LINGO2: variants seen among roughly 807,000 people sequenced by gnomAD.
The protein encoded by LINGO2 is leucine-rich repeat and immunoglobulin-like domain-containing nogo receptor-interacting protein 2.
LINGO2 carries 14 observed loss-of-function variants against 30.6 expected under a neutral mutation model. The ratio of observed to expected loss-of-function variants is 0.46; its 90% CI spans 0.30 to 0.72. LINGO2 has a LOEUF of 0.72. Among genes scored for constraint, LINGO2 ranks in the 30% least tolerant of loss-of-function variants. LINGO2 has a pLI of 0.07. For missense variants in LINGO2, 729 were observed against 751.7 expected, an observed-to-expected ratio of 0.97 and a Z score of 0.35; for synonymous variants, 317 against 288.5, an observed-to-expected ratio of 1.10 and a Z score of -1.00.
At chr9:28,240,109 T>C (rs1012568143) in intron 4 of LINGO2, among the ~76,000 whole-genome samples, 7 of 151,830 alleles carry the variant, frequency 4.6e-5, no homozygotes, top group Admixed American at 1.3e-4. Context: ...CTATAAAACA[T>C]TGATGAAAGA....
At chr9:28,309,736 C>T (rs1824533720) in intron 3 of LINGO2, among the ~76,000 whole-genome samples, 1 of 151,060 alleles carries the variant, frequency 6.6e-6, no homozygotes, top group Non-Finnish European at 1.5e-5. Context: ...AAAGAAAAGC[C>T]ACAAACCAGG....
At chr9:28,946,811 C>G in the LINGO2 span, among the ~76,000 whole-genome samples, 1 of 152,062 alleles carries the variant, frequency 6.6e-6, no homozygotes, top group Non-Finnish European at 1.5e-5. Flanking sequence ...ATGACTACCA[C>G]AGAGAGAGTG....
intron 1 of LINGO2, among the ~76,000 whole-genome samples, chr9:28,661,045 G>A (rs1436783331): frequency 6.6e-6 from 1 of 152,074 alleles, no homozygotes; most frequent in Non-Finnish European, 1.5e-5. Flanking sequence ...CCTTTATAGT[G>A]TGACCTTGCA....
chr9:28,232,271 C>T (rs1821383905), intron 4 of LINGO2, among the ~76,000 whole-genome samples: 1 of 151,872 alleles, frequency 6.6e-6, no homozygotes, highest in African/African-American at 2.4e-5. Context: ...TGGTGGCACA[C>T]ACCCATAATT....
intron 4 of LINGO2, among the ~76,000 whole-genome samples, chr9:28,102,062 G>T (rs1434072582): frequency 6.6e-6 from 1 of 151,982 alleles, no homozygotes; most frequent in Admixed American, 6.6e-5. Flanking sequence ...TGAGCATTTT[G>T]AATGCTTTGT....
chr9:28,054,885 C>T (rs987932430), intron 4 of LINGO2, among the ~76,000 whole-genome samples: 16 of 152,132 alleles, frequency 1.1e-4, no homozygotes, highest in African/African-American at 3.9e-4. Context: ...TTTCAAATAT[C>T]CAAGCACTAC....
the LINGO2 span, among the ~76,000 whole-genome samples, chr9:29,061,254 T>C: frequency 4.6e-5 from 7 of 151,970 alleles, no homozygotes; most frequent in East Asian, 1.9e-4. Flanking sequence ...AACAAAACTA[T>C]AGGATCAATA....
At chr9:28,634,485 CTTTTTTTTT>C (rs755583837) in intron 1 of LINGO2, among the ~76,000 whole-genome samples, 1 of 124,672 alleles carries the variant, frequency 8.0e-6, no homozygotes, top group Non-Finnish European at 1.7e-5. Context: ...TTCTTTTTTT[CTTTTTTTTT>C]TTTTTTTTTG....
intron 1 of LINGO2, chr9:28,599,352 A>G (rs2135739504): frequency 6.6e-6 from 1 of 152,292 alleles, no homozygotes. Flanking sequence ...ATACTGAACA[A>G]TATTATTGTA....
chr9:28,776,217 C>T, the LINGO2 span, among the ~76,000 whole-genome samples: 1 of 152,168 alleles, frequency 6.6e-6, no homozygotes, highest in Non-Finnish European at 1.5e-5. Context: ...GGTTGAACGA[C>T]CACTTAAGTG....
At chr9:29,109,783 A>T in the LINGO2 span, among the ~76,000 whole-genome samples, 3 of 152,222 alleles carry the variant, frequency 2.0e-5, no homozygotes, top group Admixed American at 2.0e-4. Context: ...AGTATTAGCT[A>T]AGTTGGTGAT....
chr9:28,998,153 G>A, the LINGO2 span, among the ~76,000 whole-genome samples: 1 of 152,112 alleles, frequency 6.6e-6, no homozygotes, highest in Non-Finnish European at 1.5e-5. Context: ...ATTATTTTGA[G>A]GATATTGAAA....
intron 4 of LINGO2, among the ~76,000 whole-genome samples, chr9:28,170,771 T>G (rs989995584): frequency 1.3e-5 from 2 of 152,218 alleles, no homozygotes; most frequent in Non-Finnish European, 2.9e-5. Flanking sequence ...AACTCTGCTT[T>G]TATCATCGCA....
At chr9:28,123,400 G>T (rs1827152669) in intron 4 of LINGO2, among the ~76,000 whole-genome samples, 1 of 152,180 alleles carries the variant, frequency 6.6e-6, no homozygotes, top group African/African-American at 2.4e-5. Flanking sequence ...TACCTGGTCA[G>T]CAGTGTCTTC....
chr9:28,452,973 C>T (rs1014035732), intron 2 of LINGO2, among the ~76,000 whole-genome samples: 5 of 151,680 alleles, frequency 3.3e-5, no homozygotes, highest in Admixed American at 2.6e-4. Flanking sequence ...AAAAGTCATG[C>T]ATATTTGCCA....
chr9:29,133,682 A>G, the LINGO2 span, among the ~76,000 whole-genome samples: 1 of 152,166 alleles, frequency 6.6e-6, no homozygotes, highest in Non-Finnish European at 1.5e-5. Context: ...CAATAGTGAA[A>G]CATTTGTCAG....
the LINGO2 span, among the ~76,000 whole-genome samples, chr9:28,820,664 G>A: frequency 1.4e-4 from 21 of 152,224 alleles, no homozygotes; most frequent in African/African-American, 5.1e-4. Flanking sequence ...AAAATATAAT[G>A]GATCTCTCAT....
At chr9:28,302,388 C>T (rs1315908959) in intron 3 of LINGO2, among the ~76,000 whole-genome samples, 4 of 152,200 alleles carry the variant, frequency 2.6e-5, no homozygotes, top group Admixed American at 1.3e-4. Flanking sequence ...AGATATACAA[C>T]CCCTTTTAGG....
chr9:28,543,523 C>T (rs540122875), intron 1 of LINGO2, among the ~76,000 whole-genome samples: 1 of 152,072 alleles, frequency 6.6e-6, no homozygotes, highest in African/African-American at 2.4e-5. Context: ...GAGCAACACT[C>T]GTATTTGGAC....
Sources: gnomAD v4.1 joint callset for allele counts (sites outside exome capture counted in the v4.1 genomes callset) on GRCh38, gnomAD v4.1.1 for gene constraint, MANE v1.5 for transcripts, NCBI Gene and HGNC (gene_info 2026-07-23, HGNC 2026-07-21) for gene names.